Variants in DNAH14 observed in about 807,000 individuals in gnomAD.
The protein encoded by DNAH14 is axonemal beta dynein heavy chain 14.
A neutral mutation model predicts 520.9 loss-of-function variants in DNAH14; 478 were observed. The ratio of observed to expected loss-of-function variants is 0.92; its 90% confidence interval spans 0.85 to 0.99. The LOEUF is 0.99. Ranked by LOEUF, DNAH14 falls within the 50% of genes least tolerant of loss-of-function variation. The pLI is 0.00. For synonymous variants in DNAH14, 1,581 were observed against 1,757.2 expected (o/e 0.90, Z 2.51); for missense variants, 4,831 against 5,234.5 (o/e 0.92, Z 2.38).
At position 225,119,280 on chromosome 1, in the gene DNAH14, C is replaced by G; in HGVS notation, c.4152C>G (p.Phe1384Leu). Residue 1384 changes from phenylalanine to leucine, a missense_variant, in exon 26 of 86, where the codon TTC (phenylalanine) becomes TTG (leucine). Physicochemically the swap from Phe to Leu is conservative, Grantham distance 22. Transcript: ENST00000682510. Reference sequence around the variant, plus strand: ...TGGTAAATGTAGAAAAAAGCATGTTCGATGTGCTAAAAAAGTAAGTACAAT... The same window carrying G: ...TGGTAAATGTAGAAAAAAGCATGTTGGATGTGCTAAAAAAGTAAGTACAAT... ...QWLVNVEKSMFDVLKKFLSQG... is the reference protein window; with the variant it reads ...QWLVNVEKSMLDVLKKFLSQG... The G allele has an allele frequency of 2.6e-6, 4 of 1,519,484 alleles. No homozygotes were observed. Among genetic ancestry groups the G allele is most frequent in the Non-Finnish European group, 3.5e-6 (4 of 1,131,428 alleles). 94.1% of individuals were successfully genotyped at this position (1,519,484 alleles called of 1,614,324 possible).
intron 10 of DNAH14, among the ~76,000 whole-genome samples, chr1:225,009,225 T>C (rs960950976): frequency 2.0e-5 from 3 of 152,214 alleles, no homozygotes; most frequent in Admixed American, 2.0e-4. Context: ...TTCTAGGGTT[T>C]TTATGGTTTT....
Position 224,960,192 on chromosome 1 carries a change from C to A in DNAH14, c.257C>A (p.Ser86Tyr). Reference sequence around the variant, plus strand: ...AGTATAATTCAACAACATATGGTTTCTCCAGAGCCAGCTTCCCTTAAGGAG... The same window carrying A: ...AGTATAATTCAACAACATATGGTTTATCCAGAGCCAGCTTCCCTTAAGGAG... ...RESIIQQHMV[S>Y]PEPASLKEKG... The change falls in exon 4 of 86, where the codon TCT (serine) becomes TAT (tyrosine). Residue 86 changes from serine (S) to tyrosine (Y), a missense_variant. Transcript: ENST00000682510. 6.2e-7 allele frequency: 1 copy of A among 1,607,800 alleles called. No homozygotes were observed.
chr1:225,382,077 C>G lies in DNAH14; in HGVS notation c.13077+498C>G, dbSNP rs202004247. Among the ~76,000 whole-genome samples, 12 of 152,270 alleles carry G rather than the reference C, an allele frequency of 7.9e-5. No homozygotes were observed. The East Asian group carries it at 2.3e-3, about 29-fold the overall frequency. The stretch of plus-strand genomic sequence containing the variant: ...CTATTTCTCCAGAAATGAACTTCTC[C>G]CCTTAGGATTAGCACTGGCCTTTTC... On this transcript the variant is annotated intron_variant, in intron 81 of 85. Coordinates refer to ENST00000682510, the MANE Select transcript of DNAH14 (RefSeq NM_001367479.1).
chr1:225,358,207 AG>A (rs1269582852), intron 73 of DNAH14, among the ~76,000 whole-genome samples: 1 of 152,178 alleles, frequency 6.6e-6, no homozygotes, highest in Non-Finnish European at 1.5e-5. Flanking sequence ...TTGCAGAATT[AG>A]GGAGTATAAC....
chr1:225,165,642 G>A (rs2081971788), intron 35 of DNAH14, among the ~76,000 whole-genome samples: 1 of 151,876 alleles, frequency 6.6e-6, no homozygotes, highest in South Asian at 2.1e-4. Context: ...CTTGAGTGCA[G>A]TGACCTGTTC....
chr1:225,010,669 G>A (rs1275888710), intron 10 of DNAH14, among the ~76,000 whole-genome samples: 2 of 152,096 alleles, frequency 1.3e-5, no homozygotes, highest in Non-Finnish European at 2.9e-5. Flanking sequence ...CAGACAGAAT[G>A]GTACCAGCTC....
At chr1:225,226,132 A>G (rs528208171) in intron 41 of DNAH14, among the ~76,000 whole-genome samples, 1 of 152,272 alleles carries the variant, frequency 6.6e-6, no homozygotes, top group South Asian at 2.1e-4. Context: ...CTGTTACTCT[A>G]TGGGCTTATC....
In DNAH14 at chr1:225,092,642, C is replaced by T. The variant is rs138224648; in HGVS notation, c.3574-4476C>T. Among the ~76,000 whole-genome samples the T allele has an allele frequency of 1.4e-4, 21 of 151,902 alleles. No individual in the cohort carries two copies. In the East Asian group the frequency reaches 3.9e-3, roughly 28 times the overall value. On this transcript the variant is annotated intron_variant, in intron 21 of 85. Transcript: ENST00000682510. ...ATTAGAGAAACAAGAGCAAACCAACCCCAAAGCGAGGAGAAGATAATAAAT... is the reference window on the plus strand; with the variant it reads ...ATTAGAGAAACAAGAGCAAACCAACTCCAAAGCGAGGAGAAGATAATAAAT...
chr1:225,155,249 T>C (rs185172090), intron 34 of DNAH14, among the ~76,000 whole-genome samples: 1 of 152,012 alleles, frequency 6.6e-6, no homozygotes, highest in Non-Finnish European at 1.5e-5. Context: ...TATTTAAAAT[T>C]GAAAAAAAGA....
At chr1:225,080,256 T>C in intron 18 of DNAH14, 123 bp from the exon 19 acceptor site, 1 of 996,296 alleles carries the variant, frequency 1.0e-6, no homozygotes. Flanking sequence ...TAATGATAGT[T>C]CCAGTTTCAC....
Position 225,080,731 on chromosome 1 carries a change from T to C in DNAH14, c.3119T>C (p.Ile1040Thr). Residue 1040 changes from isoleucine to threonine, a missense_variant, in exon 19 of 86, where the codon ATC becomes ACC. Physicochemically the swap from Ile to Thr is moderately conservative, Grantham distance 89 (BLOSUM62 -1). Coordinates refer to ENST00000682510, the MANE Select transcript of DNAH14 (RefSeq NM_001367479.1). ...AATGTTTCAAAACTGATGCACATAA[T>C]CTCGGTACTAGAAAAAGGTAAAAAT... ...QRNVSKLMHI[I>T]SVLEKGLPKS... 6.6e-7 allele frequency: 1 copy of C among 1,522,240 alleles called. No homozygotes were observed. The highest frequency in any genetic ancestry group is 1.3e-5 in the South Asian group (1 of 78,452). The allele number at this position is 1,522,240 out of a possible 1,614,324, so 94.3% of individuals were successfully genotyped here.
rs1176874881 is a variant in DNAH14, at chr1:224,960,991, T to C, written c.367+689T>C. The stretch of plus-strand genomic sequence containing the variant: ...CCTTGTATAATTCTCTCCCCTTGAA[T>C]GTGGAAAGGACCTGTGACTGCTTCT... On this transcript the variant is annotated intron_variant, in intron 4 of 85. Transcript: ENST00000682510. 2.6e-5 allele frequency: 4 copies of C among 152,306 alleles called. No individual in the cohort carries two copies. In the East Asian group the frequency reaches 7.7e-4, roughly 29 times the overall value. The allele number at this position is 152,306 out of a possible 1,614,324, so 9.4% of individuals were successfully genotyped here. A position where few individuals can be genotyped will look rare whatever the true frequency, so the allele number is the denominator to read the frequency against.
chr1:225,251,699 A>C (rs1048378270), intron 43 of DNAH14, among the ~76,000 whole-genome samples: 1 of 152,184 alleles, frequency 6.6e-6, no homozygotes, highest in African/African-American at 2.4e-5. Context: ...ATATATCCAG[A>C]ATAGATAAAG....
At chr1:225,003,051 C>A in intron 9 of DNAH14, 124 bp downstream of exon 9, 1 of 867,186 alleles carries the variant, frequency 1.2e-6, no homozygotes, top group Non-Finnish European at 1.6e-6. Context: ...TCGATTACTA[C>A]CGTTCTAAAA....
At chr1:225,015,813 C>T (rs1456132494) in intron 10 of DNAH14, among the ~76,000 whole-genome samples, 1 of 152,118 alleles carries the variant, frequency 6.6e-6, no homozygotes, top group Non-Finnish European at 1.5e-5. Flanking sequence ...GGATTCACCA[C>T]CAGAGTGGGA....
At chr1:224,978,922 A>G (rs1007439530) in intron 8 of DNAH14, among the ~76,000 whole-genome samples, 1 of 152,140 alleles carries the variant, frequency 6.6e-6, no homozygotes, top group Non-Finnish European at 1.5e-5. Context: ...ATTACAGGCA[A>G]TGGTCACTGT....
chr1:225,230,491 A>G (rs977222189), intron 41 of DNAH14, among the ~76,000 whole-genome samples: 1 of 152,122 alleles, frequency 6.6e-6, no homozygotes, highest in African/African-American at 2.4e-5. Flanking sequence ...GCATTTTTTT[A>G]ATATTAAGAA....
intron 17 of DNAH14, among the ~76,000 whole-genome samples, chr1:225,077,366 A>G (rs2072427639): frequency 6.6e-6 from 1 of 152,058 alleles, no homozygotes; most frequent in African/African-American, 2.4e-5. Context: ...TACCATCCTT[A>G]TCTGGTTTTG....
chr1:225,014,026 C>T lies in DNAH14; in HGVS notation c.1107+6482C>T, dbSNP rs144772277. Among the ~76,000 whole-genome samples, 10 of 152,180 alleles carry T rather than the reference C, an allele frequency of 6.6e-5. No homozygotes were observed. The East Asian group carries it at 1.4e-3, about 21-fold the overall frequency. On this transcript the variant is annotated intron_variant, in intron 10 of 85. Coordinates refer to ENST00000682510, the MANE Select transcript of DNAH14 (RefSeq NM_001367479.1). ...ATGAAAAAAACTCCTGCAGCTAGCTCGGATTTTTGCCATACAAGCCATCCA... is the reference window on the plus strand; with the variant it reads ...ATGAAAAAAACTCCTGCAGCTAGCTTGGATTTTTGCCATACAAGCCATCCA...
Sources: gnomAD v4.1 joint callset for allele counts (sites outside exome capture counted in the v4.1 genomes callset) on GRCh38, gnomAD v4.1.1 for gene constraint, MANE v1.5 for transcripts, NCBI Gene and HGNC (gene_info 2026-07-23, HGNC 2026-07-21) for gene names.